YAE1: variants seen among roughly 807,000 people sequenced by gnomAD.
The protein encoded by YAE1 is protein YAE1 homolog.
In YAE1, 22 loss-of-function variants were observed where a neutral mutation model predicts 23.0. The ratio of observed to expected loss-of-function variants is 0.96; its 90% CI spans 0.68 to 1.37. The LOEUF (loss-of-function observed/expected upper bound fraction) is 1.37, where lower values mean the gene tolerates loss of function less well. YAE1 is among the 40% of genes most tolerant of loss of function. The probability of loss-of-function intolerance (pLI) is 0.00; values close to 1 mark genes in which losing one functional copy is unlikely to be tolerated. For missense variants in YAE1, 260 were observed against 262.1 expected (o/e 0.99, Z 0.06); for synonymous variants, 101 against 97.0 (o/e 1.04, Z -0.24).
chr7:39,577,560 G>A (rs1404618620), downstream of YAE1, among the ~76,000 whole-genome samples: 2 of 152,218 alleles, frequency 1.3e-5, no homozygotes, highest in Non-Finnish European at 2.9e-5. Flanking sequence ...CAGCTGCAGA[G>A]GGTGCACCAG....
At chr7:39,600,689 C>G (rs969281818) in intron 2 of YAE1, among the ~76,000 whole-genome samples, 8 of 152,082 alleles carry the variant, frequency 5.3e-5, no homozygotes, top group African/African-American at 1.9e-4. Context: ...GAGCCACCGC[C>G]CCTGGCCTGC....
At chr7:39,573,742 C>T (rs6964309), downstream of YAE1, among the ~76,000 whole-genome samples, 42,636 of 151,906 alleles carry the variant, frequency 0.28, 6,979 homozygotes, top group African/African-American at 0.46. Context: ...TAAAAATGTA[C>T]ACTGTACTAT....
chr7:39,593,177 C>CTTTTTTGTTTTTTTTT (rs1790925219), intron 2 of YAE1, among the ~76,000 whole-genome samples: 3 of 72,108 alleles, frequency 4.2e-5, no homozygotes, highest in South Asian at 6.9e-4. Context: ...TTGGTTATTT[C>CTTTTTTGTTTTTTTTT]TTTTTTTTTT....
intron 2 of YAE1, among the ~76,000 whole-genome samples, chr7:39,586,216 A>G (rs1790811664): frequency 6.7e-6 from 1 of 148,484 alleles, no homozygotes; most frequent in Non-Finnish European, 1.5e-5. Context: ...TCTGTCGCCC[A>G]GGCTGGAGTG....
chr7:39,604,967 T>A (rs1272593529), intron 2 of YAE1, among the ~76,000 whole-genome samples: 1 of 152,222 alleles, frequency 6.6e-6, no homozygotes, highest in Admixed American at 6.5e-5. Context: ...ATAGACTTAC[T>A]CTGAGTAGTT....
At chr7:39,596,248 G>T (rs1036877579) in intron 2 of YAE1, among the ~76,000 whole-genome samples, 3 of 151,944 alleles carry the variant, frequency 2.0e-5, no homozygotes, top group Admixed American at 2.0e-4. Context: ...AGGCTGGGGC[G>T]CAATGGCGTG....
intron 1 of YAE1, among the ~76,000 whole-genome samples, chr7:39,568,105 G>T (rs1790504031): frequency 6.6e-6 from 1 of 152,012 alleles, no homozygotes; most frequent in African/African-American, 2.4e-5. Context: ...GGGTATAGTG[G>T]CGTGCACCTA....
intron 2 of YAE1, chr7:39,609,550 G>T: frequency 6.7e-7 from 1 of 1,492,170 alleles, no homozygotes; most frequent in Admixed American, 2.1e-5. Flanking sequence ...TTGGGAGAAT[G>T]GGGAAAGTTG....
chr7:39,596,270 C>G (rs1024678126), intron 2 of YAE1, among the ~76,000 whole-genome samples: 5 of 152,124 alleles, frequency 3.3e-5, no homozygotes, highest in Non-Finnish European at 5.9e-5. Flanking sequence ...TCTCGGCTCA[C>G]TGCAACCTCC....
At chr7:39,592,426 T>C (rs1790913904) in intron 2 of YAE1, among the ~76,000 whole-genome samples, 1 of 152,222 alleles carries the variant, frequency 6.6e-6, no homozygotes, top group African/African-American at 2.4e-5. Flanking sequence ...AAATGTGAGA[T>C]ACAGATGCTC....
intron 2 of YAE1, among the ~76,000 whole-genome samples, chr7:39,589,187 A>C (rs1790865019): frequency 1.3e-5 from 2 of 152,194 alleles, no homozygotes. Flanking sequence ...AACTTTAGAA[A>C]TTATTCATTT....
At chr7:39,590,883 T>A (rs1394829608) in intron 2 of YAE1, among the ~76,000 whole-genome samples, 1 of 152,224 alleles carries the variant, frequency 6.6e-6, no homozygotes, top group African/African-American at 2.4e-5. Flanking sequence ...CCCACTTCTC[T>A]ATCACATTTC....
intron 2 of YAE1, among the ~76,000 whole-genome samples, chr7:39,586,477 T>G (rs1017220234): frequency 1.5e-5 from 2 of 136,208 alleles, no homozygotes; most frequent in Admixed American, 7.4e-5. Flanking sequence ...CGGCCAGTAA[T>G]GATAACTATC....
intron 2 of YAE1, among the ~76,000 whole-genome samples, chr7:39,600,001 A>G (rs1791033058): frequency 6.6e-6 from 1 of 152,210 alleles, no homozygotes; most frequent in African/African-American, 2.4e-5. Flanking sequence ...TGTGGTCCTT[A>G]AACATTGATA....
chr7:39,585,676 T>C (rs1243368322), intron 2 of YAE1, among the ~76,000 whole-genome samples: 1 of 152,260 alleles, frequency 6.6e-6, no homozygotes, highest in Non-Finnish European at 1.5e-5. Context: ...CTTCCTTTTA[T>C]AGAAATGTAT....
chr7:39,572,668 C>A lies in YAE1; in HGVS notation c.643C>A (p.Leu215Ile). ...AGCCAGTTTAGTTAAACAGCTGGGC[C>A]TATCAGTAGATGTATTACAACACCT... The part of the protein sequence containing the change: ...QTASLVKQLG[L>I]SVDVLQHLKQ... The change falls in exon 3 of 3, where the codon CTA (leucine) becomes ATA (isoleucine). Residue 215 changes from leucine to isoleucine, a missense_variant. Coordinates refer to ENST00000223273, the MANE Select transcript of YAE1 (RefSeq NM_020192.5). 1 of 1,608,388 alleles carries A rather than the reference C, an allele frequency of 6.2e-7. No individual in the cohort carries two copies. Among genetic ancestry groups the A allele is most frequent in the Non-Finnish European group, 8.5e-7 (1 of 1,178,338 alleles).
intron 2 of YAE1, among the ~76,000 whole-genome samples, chr7:39,608,087 C>T (rs1791156345): frequency 6.6e-6 from 1 of 152,168 alleles, no homozygotes; most frequent in African/African-American, 2.4e-5. Context: ...TCCCTTGACT[C>T]CTTTATTTCT....
exon 3 of YAE1, chr7:39,609,729 G>A (rs1791181065): frequency 6.5e-7 from 1 of 1,535,540 alleles, no homozygotes; most frequent in Non-Finnish European, 8.7e-7. Context: ...GGCGAGCGGG[G>A]CGACACCGAA....
chr7:39,573,679 AAGAC>A (rs1397170442), downstream of YAE1, among the ~76,000 whole-genome samples: 3 of 152,178 alleles, frequency 2.0e-5, no homozygotes, highest in Non-Finnish European at 2.9e-5. Context: ...TCTAAGCTGA[AAGAC>A]AGGCATATTG....
Sources: gnomAD v4.1 joint callset for allele counts (sites outside exome capture counted in the v4.1 genomes callset) on GRCh38, gnomAD v4.1.1 for gene constraint, MANE v1.5 for transcripts, NCBI Gene and HGNC (gene_info 2026-07-23, HGNC 2026-07-21) for gene names.